The following NELL1 variants were observed in gnomAD, a reference collection of about 807,000 sequenced individuals.
NELL1 encodes the protein protein kinase C-binding protein NELL1.
A neutral mutation model predicts 107.4 loss-of-function variants in NELL1; 76 were observed. The observed-to-expected ratio is 0.71, with a 90% CI of 0.59 to 0.86. The LOEUF is 0.86. Ranked by LOEUF, NELL1 falls within the 40% of genes least tolerant of loss-of-function variation. The pLI, the probability that NELL1 is intolerant of heterozygous loss-of-function variation, is 0.00. For missense variants in NELL1, 1,024 were observed against 1,005.5 expected (o/e 1.02, Z -0.25); for synonymous variants, 353 against 341.2 (o/e 1.03, Z -0.38).
At chr11:20,677,862 G>T in intron 1 of NELL1, 70 bp from the exon 2 acceptor site, 1 of 1,581,394 alleles carries the variant, frequency 6.3e-7, no homozygotes, top group South Asian at 1.1e-5. Flanking sequence ...GCCACTCCCC[G>T]ACTCTGTAAC....
intron 14 of NELL1, among the ~76,000 whole-genome samples, chr11:21,337,554 C>T (rs1280444037): frequency 6.6e-6 from 1 of 152,222 alleles, no homozygotes; most frequent in Non-Finnish European, 1.5e-5. Context: ...CACTTCTGCT[C>T]ATAGCCCATT....
rs561879969 is a variant in NELL1, at chr11:21,417,363, CT to C, written c.1645+46420del. On this transcript the variant is annotated intron_variant, in intron 15 of 19. Coordinates refer to ENST00000357134, the MANE Select transcript of NELL1 (RefSeq NM_006157.5). Reference sequence around the variant, plus strand: ...TATTTACTCAGAAGTTACTAGGAATCTTTTTATTCATTATTCAAAGTTGTTT... The same window carrying C: ...TATTTACTCAGAAGTTACTAGGAATCTTTTATTCATTATTCAAAGTTGTTT... Among the ~76,000 whole-genome samples the C allele has an allele frequency of 8.5e-4, 129 of 151,720 alleles. 1 individual carries two copies. The highest frequency in any genetic ancestry group is 2.9e-3 in the African/African-American group (122 of 41,388).
chr11:21,040,886 G>C (rs1853212925), intron 12 of NELL1, among the ~76,000 whole-genome samples: 1 of 152,140 alleles, frequency 6.6e-6, no homozygotes, highest in Non-Finnish European at 1.5e-5. Flanking sequence ...CATTGTACGA[G>C]GAATGATTAA....
chr11:20,767,098 A>G (rs538988969), intron 2 of NELL1, among the ~76,000 whole-genome samples: 2 of 152,042 alleles, frequency 1.3e-5, no homozygotes, highest in African/African-American at 2.4e-5. Context: ...TGTGCCAGCC[A>G]CTGTCCTGGT....
chr11:20,903,404 T>C (rs1252754855), intron 5 of NELL1, among the ~76,000 whole-genome samples: 1 of 152,040 alleles, frequency 6.6e-6, no homozygotes, highest in East Asian at 1.9e-4. Context: ...TTAGAAGACT[T>C]TAAAAATCAA....
chr11:20,877,926 C>G (rs1024413075), intron 4 of NELL1, among the ~76,000 whole-genome samples: 1 of 152,128 alleles, frequency 6.6e-6, no homozygotes, highest in African/African-American at 2.4e-5. Context: ...AGTGGGTGTT[C>G]TTCAGCCCAA....
chr11:21,058,433 G>A (rs1342253591), intron 12 of NELL1, among the ~76,000 whole-genome samples: 8 of 152,056 alleles, frequency 5.3e-5, no homozygotes, highest in Non-Finnish European at 1.0e-4. Flanking sequence ...TTAAATCGTT[G>A]TTCTCCTTTG....
chr11:20,923,872 C>G (rs1850433437), intron 7 of NELL1, among the ~76,000 whole-genome samples: 1 of 152,026 alleles, frequency 6.6e-6, no homozygotes, highest in Admixed American at 6.6e-5. Flanking sequence ...TTTCATATAG[C>G]AAATGCCAAG....
At chr11:21,566,472 G>A (rs570920997) in intron 17 of NELL1, among the ~76,000 whole-genome samples, 24 of 151,638 alleles carry the variant, frequency 1.6e-4, no homozygotes, top group Non-Finnish European at 2.8e-4. Context: ...TACCAGATAG[G>A]AAACTTTATT....
intron 14 of NELL1, among the ~76,000 whole-genome samples, chr11:21,274,712 G>A (rs1848816575): frequency 6.6e-6 from 1 of 152,176 alleles, no homozygotes; most frequent in Admixed American, 6.5e-5. Context: ...TCAGGCCACA[G>A]TGCAATCAAA....
chr11:21,519,508 TTTTGTTTGTTTG>T (rs71034527), intron 15 of NELL1, among the ~76,000 whole-genome samples: 1 of 150,340 alleles, frequency 6.7e-6, no homozygotes, highest in Non-Finnish European at 1.5e-5. Context: ...ATAGGCTTCC[TTTTGTTTGTTTG>T]TTTGTTTGTT....
chr11:21,369,451 C>G (rs16907994), intron 14 of NELL1, among the ~76,000 whole-genome samples: 4,673 of 149,176 alleles, frequency 0.031, 115 homozygotes, highest in Non-Finnish European at 0.045. Flanking sequence ...ACACACTATC[C>G]TTTGGCAGAG....
At chr11:20,738,799 AT>A (rs1191414526) in intron 2 of NELL1, among the ~76,000 whole-genome samples, 1 of 152,192 alleles carries the variant, frequency 6.6e-6, no homozygotes, top group African/African-American at 2.4e-5. Flanking sequence ...GATTTGAAAG[AT>A]GGGACCTATT....
intron 13 of NELL1, among the ~76,000 whole-genome samples, chr11:21,162,058 T>C (rs144615836): frequency 0.024 from 3,651 of 150,078 alleles, 154 homozygotes; most frequent in African/African-American, 0.083. Context: ...TCAAGTGATT[T>C]TCCTGCCTCA....
chr11:21,355,023 A>G (rs1850901444), intron 14 of NELL1, among the ~76,000 whole-genome samples: 2 of 152,202 alleles, frequency 1.3e-5, no homozygotes, highest in Admixed American at 6.5e-5. Flanking sequence ...GTTGAATGCC[A>G]AATTTTGAAC....
intron 15 of NELL1, among the ~76,000 whole-genome samples, chr11:21,518,718 G>A (rs571796917): frequency 6.6e-6 from 1 of 152,152 alleles, no homozygotes; most frequent in Non-Finnish European, 1.5e-5. Flanking sequence ...CTACTGAGAG[G>A]TAGAGTAGCC....
chr11:21,249,082 C>T (rs2133907876), intron 14 of NELL1, among the ~76,000 whole-genome samples: 1 of 152,278 alleles, frequency 6.6e-6, no homozygotes, highest in South Asian at 2.1e-4. Context: ...TGCTTAACCC[C>T]ATTTAATCAG....
At chr11:21,525,058 T>C (rs1855817623) in intron 15 of NELL1, among the ~76,000 whole-genome samples, 1 of 152,108 alleles carries the variant, frequency 6.6e-6, no homozygotes, top group African/African-American at 2.4e-5. Flanking sequence ...GAGATATAGA[T>C]CAGAGAGTTT....
At chr11:21,487,805 A>G (rs889344460) in intron 15 of NELL1, among the ~76,000 whole-genome samples, 4 of 152,176 alleles carry the variant, frequency 2.6e-5, no homozygotes, top group African/African-American at 9.6e-5. Flanking sequence ...CTGTAAGGAC[A>G]CAAGTAAACT....
Sources: gnomAD v4.1 joint callset for allele counts (sites outside exome capture counted in the v4.1 genomes callset) on GRCh38, gnomAD v4.1.1 for gene constraint, MANE v1.5 for transcripts, NCBI Gene and HGNC (gene_info 2026-07-23, HGNC 2026-07-21) for gene names.